THAP4: variants seen among roughly 807,000 people sequenced by gnomAD.
THAP4 encodes THAP domain containing 4.
In THAP4, 18 loss-of-function variants were observed where a neutral mutation model predicts 48.1. That is an observed-to-expected ratio of 0.37 (90% confidence interval 0.26 to 0.56). THAP4 has a LOEUF of 0.56. THAP4 is among the 20% of genes least tolerant of loss of function. The pLI is 0.78. For missense variants in THAP4, 656 were observed against 774.9 expected (o/e 0.85, Z 1.82); for synonymous variants, 345 against 324.9 (o/e 1.06, Z -0.66).
At chr2:241,588,031 G>A (rs755663801) in intron 5 of THAP4, among the ~76,000 whole-genome samples, 1 of 140,474 alleles carries the variant, frequency 7.1e-6, no homozygotes, top group South Asian at 2.6e-4. Context: ...AAGGAAGGAA[G>A]GAAGGGAGGG....
rs1414783327 is a variant in THAP4, at chr2:241,606,404, G to A, written c.1310C>T (p.Pro437Leu). 1 of 1,605,396 alleles carries A rather than the reference G, an allele frequency of 6.2e-7. No homozygotes were observed. Among genetic ancestry groups the A allele is most frequent in the South Asian group, 1.1e-5 (1 of 89,356 alleles). Residue 437 changes from proline (P) to leucine (L), a missense_variant, in exon 3 of 6, where the codon CCT becomes CTT. By Grantham distance (98) the Pro-to-Leu change is moderately conservative (BLOSUM62 -3). Coordinates refer to ENST00000407315, the MANE Select transcript of THAP4 (RefSeq NM_015963.6). ...CAGTGTGGGGTAGGTCCCGGCTCCAGGTGGGTCCGACAGCCAGGTGCCCAG... is the reference window on the plus strand; with the variant it reads ...CAGTGTGGGGTAGGTCCCGGCTCCAAGTGGGTCCGACAGCCAGGTGCCCAG... ...WMLGTWLSDPPGAGTYPTLQP... is the reference protein window; with the variant it reads ...WMLGTWLSDPLGAGTYPTLQP...
intron 2 of THAP4, among the ~76,000 whole-genome samples, chr2:241,630,779 C>CA (rs1171134229): frequency 0.035 from 2,155 of 61,106 alleles, 57 homozygotes; most frequent in East Asian, 0.21. Context: ...AACTCCGTCT[C>CA]AAAAAAAAAA....
intron 5 of THAP4, among the ~76,000 whole-genome samples, chr2:241,595,760 C>T (rs917081915): frequency 3.3e-5 from 5 of 152,156 alleles, no homozygotes; most frequent in Non-Finnish European, 5.9e-5. Context: ...CTCCCCGTAC[C>T]GAGGCAACTG....
intron 2 of THAP4, among the ~76,000 whole-genome samples, chr2:241,626,152 T>C (rs1343012054): frequency 1.3e-5 from 2 of 152,042 alleles, no homozygotes; most frequent in Non-Finnish European, 2.9e-5. Context: ...ATAAAGGACA[T>C]ATAAAAAAAC....
Position 241,610,225 on chromosome 2 carries a change from G to A in THAP4, c.1241-3752C>T, listed in dbSNP as rs1310370471. Among the ~76,000 whole-genome samples the A allele has an allele frequency of 6.6e-6, 1 of 152,164 alleles. No homozygotes were observed. The highest frequency in any genetic ancestry group is 1.5e-5 in the Non-Finnish European group (1 of 68,006). Reference sequence around the variant, plus strand: ...CCCCGGGCTAGGGTGAGGGGCACGCGCCGCAAGTCCTGCCTCTGCTCCCGG... The same window carrying A: ...CCCCGGGCTAGGGTGAGGGGCACGCACCGCAAGTCCTGCCTCTGCTCCCGG... On this transcript the variant is annotated intron_variant, in intron 2 of 5. Transcript: ENST00000407315. The surrounding 1 kb of genome is among the most constrained non-coding windows in gnomAD (Gnocchi z 4.2).
intron 5 of THAP4, among the ~76,000 whole-genome samples, chr2:241,600,812 T>C (rs1237997948): frequency 6.7e-6 from 1 of 149,938 alleles, no homozygotes; most frequent in African/African-American, 2.5e-5. Context: ...AGAACCCAAA[T>C]CCAGACATTG....
At chr2:241,598,031 G>A (rs1269867515) in intron 5 of THAP4, among the ~76,000 whole-genome samples, 2 of 149,136 alleles carry the variant, frequency 1.3e-5, no homozygotes, top group African/African-American at 4.9e-5. Context: ...TGACAAGTAT[G>A]ATCAAGAAAA....
upstream of THAP4, chr2:241,637,557 CA>C: frequency 1.3e-6 from 2 of 1,487,090 alleles, no homozygotes; most frequent in Non-Finnish European, 1.8e-6. Context: ...GGCCGTACGC[CA>C]AAATGGCGGC....
At chr2:241,585,421 G>A (rs2066881817) in intron 5 of THAP4, among the ~76,000 whole-genome samples, 1 of 151,994 alleles carries the variant, frequency 6.6e-6, no homozygotes, top group African/African-American at 2.4e-5. Flanking sequence ...GGCACCAGAA[G>A]TGGATGAAAC....
At chr2:241,591,110 A>G (rs62192993) in intron 5 of THAP4, among the ~76,000 whole-genome samples, 1 of 55,952 alleles carries the variant, frequency 1.8e-5, no homozygotes, top group Non-Finnish European at 4.0e-5. Context: ...CAGAACTGCC[A>G]GGCTGACGAT....
At chr2:241,636,405 C>A (rs1030642769) in intron 1 of THAP4, among the ~76,000 whole-genome samples, 10 of 152,282 alleles carry the variant, frequency 6.6e-5, no homozygotes, top group Admixed American at 1.3e-4. Context: ...TGGGAAGCGG[C>A]CGAGAGCCCC....
intron 5 of THAP4, among the ~76,000 whole-genome samples, chr2:241,588,064 A>G (rs2125065580): frequency 6.6e-6 from 1 of 152,230 alleles, no homozygotes; most frequent in African/African-American, 2.4e-5. Context: ...AAGGAAAAGA[A>G]GAAAAATAAA....
rs150434798 is a variant in THAP4, at chr2:241,623,828, T to C, written c.1240+9089A>G. On this transcript the variant is annotated intron_variant, in intron 2 of 5. Transcript: ENST00000407315. Reference sequence around the variant, plus strand: ...AATCTGAACAGGCCTATATTGAATATATGGAAAAAAACAATCTCTTTCTCT... The same window carrying C: ...AATCTGAACAGGCCTATATTGAATACATGGAAAAAAACAATCTCTTTCTCT... Among the ~76,000 whole-genome samples, 24 of 152,246 alleles carry C rather than the reference T, an allele frequency of 1.6e-4. No individual in the cohort carries two copies. The East Asian group carries it at 4.4e-3, about 28-fold the overall frequency.
At chr2:241,598,864 AGAAACT>A (rs1490087405) in intron 5 of THAP4, among the ~76,000 whole-genome samples, 1 of 152,146 alleles carries the variant, frequency 6.6e-6, no homozygotes, top group African/African-American at 2.4e-5. Flanking sequence ...TTGGCATACT[AGAAACT>A]GAATCTTCTT....
rs144277972 is a variant in THAP4, at chr2:241,633,763, T to A, written c.394A>T (p.Ser132Cys). 422 of 1,613,208 alleles carry A rather than the reference T, an allele frequency of 2.6e-4. 1 individual carries two copies. The African/African-American group carries it at 4.9e-3, about 19-fold the overall frequency. ...RGAAGWSPSS[S>C]GNPMAKPESR... ...TCTGGCTTGGCCATCGGGTTTCCAC[T>A]CGAGGACGGTGACCAACCTGCAGCT... is the stretch of plus-strand genomic sequence containing the variant. Residue 132 changes from serine to cysteine, a missense_variant, in exon 2 of 6, where the codon AGT becomes TGT. This residue lies in a region of THAP4 where 391 missense variants were observed against 412.4 expected (regional missense o/e 0.95). Coordinates refer to ENST00000407315, the MANE Select transcript of THAP4 (RefSeq NM_015963.6). The surrounding 1 kb of genome is among the most constrained non-coding windows in gnomAD (Gnocchi z 7.5).
intron 5 of THAP4, among the ~76,000 whole-genome samples, chr2:241,585,899 CAA>C (rs1198779549): frequency 1.2e-5 from 1 of 82,842 alleles, no homozygotes; most frequent in Non-Finnish European, 2.2e-5. Context: ...GGTGACAGAG[CAA>C]GACTCCTTCT....
intron 2 of THAP4, among the ~76,000 whole-genome samples, chr2:241,617,115 T>C (rs923188538): frequency 6.6e-6 from 1 of 152,316 alleles, no homozygotes; most frequent in Admixed American, 6.5e-5. Flanking sequence ...AGCCTAGATA[T>C]ATGTTAAGAT....
In THAP4 at chr2:241,584,653, G is replaced by T. The variant is rs1223181877; in HGVS notation, c.1687C>A (p.Pro563Thr). Residue 563 changes from proline (P) to threonine (T), a missense_variant, in exon 6 of 6, where the codon CCA becomes ACA. This residue lies in a region of THAP4 where 176 missense variants were observed against 256.7 expected (regional missense o/e 0.69). Transcript: ENST00000407315. ...QTVSMATTTQPMTQHLHVTYK... is the reference protein window; with the variant it reads ...QTVSMATTTQTMTQHLHVTYK... Reference sequence around the variant, plus strand: ...GTGACGTGAAGATGCTGAGTCATTGGCTGTGTCGTGGTTGCCATGGAGACC... The same window carrying T: ...GTGACGTGAAGATGCTGAGTCATTGTCTGTGTCGTGGTTGCCATGGAGACC... 6.2e-7 allele frequency: 1 copy of T among 1,614,204 alleles called. No homozygotes were observed. The highest frequency in any genetic ancestry group is 1.1e-5 in the South Asian group (1 of 91,084).
chr2:241,637,317 G>A (rs2067691823), upstream of THAP4: 7 of 1,222,730 alleles, frequency 5.7e-6, no homozygotes, highest in African/African-American at 8.1e-5. Context: ...CGCCCCGGCG[G>A]GGCAAGTCCG....
Sources: allele counts gnomAD v4.1 joint callset (sites outside exome capture counted in the v4.1 genomes callset), GRCh38; gene constraint gnomAD v4.1.1; regional missense constraint gnomAD v4.1.1; non-coding constraint Gnocchi (gnomAD v3.1); transcripts MANE v1.5; gene names NCBI Gene and HGNC (gene_info 2026-07-23, HGNC 2026-07-21).